The following CPNE4 variants were observed in gnomAD, a reference collection of about 807,000 sequenced individuals.
CPNE4 encodes copine-4.
CPNE4 carries 25 observed loss-of-function variants against 67.9 expected under a neutral mutation model. The ratio of observed to expected loss-of-function variants is 0.37; its 90% confidence interval spans 0.27 to 0.51. The LOEUF is 0.51. CPNE4 is among the 20% of genes least tolerant of loss of function. The probability of loss-of-function intolerance (pLI) is 0.93; values close to 1 mark genes in which losing one functional copy is unlikely to be tolerated. For missense variants in CPNE4, 464 were observed against 690.8 expected (o/e 0.67, Z 3.68); for synonymous variants, 242 against 244.9 (o/e 0.99, Z 0.11).
At chr3:131,684,402 T>C (rs2080834339) in intron 6 of CPNE4, among the ~76,000 whole-genome samples, 1 of 152,254 alleles carries the variant, frequency 6.6e-6, no homozygotes, top group Non-Finnish European at 1.5e-5. Context: ...AGAATTACAT[T>C]GTTCTATAGC....
intron 2 of CPNE4, among the ~76,000 whole-genome samples, chr3:131,881,833 G>C (rs897129307): frequency 6.6e-6 from 1 of 152,008 alleles, no homozygotes; most frequent in African/African-American, 2.4e-5. Context: ...CCGCAGTTGT[G>C]GTGAAGTGGT....
chr3:131,562,294 A>G (rs1936814508), intron 11 of CPNE4, among the ~76,000 whole-genome samples: 1 of 152,044 alleles, frequency 6.6e-6, no homozygotes, highest in South Asian at 2.1e-4. Flanking sequence ...GGAGACGTTC[A>G]GCAGCTTCTT....
At position 131,846,346 on chromosome 3, in the gene CPNE4, T is replaced by C. The variant is rs191302705; in HGVS notation, c.180+58918A>G. Among the ~76,000 whole-genome samples the C allele has an allele frequency of 1.1e-4, 16 of 152,292 alleles. No homozygotes were observed. In the East Asian group the frequency reaches 2.9e-3, roughly 28 times the overall value. Reference sequence around the variant, plus strand: ...TCTTCTTCTCTCCTTACTGCATATATTTCCAACACTCTTGAGGGAATGAAT... The same window carrying C: ...TCTTCTTCTCTCCTTACTGCATATACTTCCAACACTCTTGAGGGAATGAAT... On this transcript the variant is annotated intron_variant, in intron 2 of 15. Coordinates refer to ENST00000429747, the MANE Select transcript of CPNE4 (RefSeq NM_130808.3).
intron 1 of CPNE4, among the ~76,000 whole-genome samples, chr3:131,970,079 G>C (rs1418698291): frequency 6.6e-6 from 1 of 152,174 alleles, no homozygotes; most frequent in African/African-American, 2.4e-5. Context: ...TTTGGGTATA[G>C]AGCCATATGA....
At chr3:131,907,618 C>T (rs866356762) in intron 1 of CPNE4, among the ~76,000 whole-genome samples, 13 of 152,012 alleles carry the variant, frequency 8.6e-5, no homozygotes, top group Non-Finnish European at 7.4e-5. Flanking sequence ...CTCCTGCACA[C>T]CAATAGCGTT....
intron 2 of CPNE4, among the ~76,000 whole-genome samples, chr3:131,781,936 G>C (rs962967363): frequency 2.6e-5 from 4 of 152,070 alleles, no homozygotes. Context: ...ACCTCTAAGT[G>C]TCTACTGCTG....
At chr3:131,811,035 A>G (rs1313193550) in intron 2 of CPNE4, among the ~76,000 whole-genome samples, 1 of 152,078 alleles carries the variant, frequency 6.6e-6, no homozygotes, top group Non-Finnish European at 1.5e-5. Context: ...AGAAAATGGA[A>G]AAGTGATGAT....
intron 3 of CPNE4, among the ~76,000 whole-genome samples, chr3:131,713,090 G>A (rs1370701169): frequency 6.6e-6 from 1 of 151,816 alleles, no homozygotes; most frequent in Admixed American, 6.6e-5. Flanking sequence ...CACCAGCCTG[G>A]CTTAAAGGAT....
intron 1 of CPNE4, among the ~76,000 whole-genome samples, chr3:131,999,336 A>G (rs1439162844): frequency 6.6e-6 from 1 of 151,296 alleles, no homozygotes; most frequent in Non-Finnish European, 1.5e-5. Context: ...TGCAAGGACA[A>G]ACTAACTGGG....
At chr3:131,939,588 C>T (rs1370991288) in intron 1 of CPNE4, among the ~76,000 whole-genome samples, 1 of 152,038 alleles carries the variant, frequency 6.6e-6, no homozygotes, top group East Asian at 1.9e-4. Flanking sequence ...TGGTTTTCAC[C>T]TGTTGTTTAA....
At chr3:131,992,961 C>G (rs551843130) in intron 1 of CPNE4, among the ~76,000 whole-genome samples, 1 of 136,282 alleles carries the variant, frequency 7.3e-6, no homozygotes, top group African/African-American at 2.5e-5. Flanking sequence ...TCCTTAGCCA[C>G]GCTGAACTGT....
chr3:131,749,912 C>T (rs1380631527), intron 2 of CPNE4, among the ~76,000 whole-genome samples: 1 of 152,078 alleles, frequency 6.6e-6, no homozygotes, highest in Non-Finnish European at 1.5e-5. Context: ...ATTTAGTTCA[C>T]AGTTTTGGAG....
intron 1 of CPNE4, among the ~76,000 whole-genome samples, chr3:132,025,415 C>A: frequency 6.6e-6 from 1 of 152,096 alleles, no homozygotes; most frequent in East Asian, 1.9e-4. Flanking sequence ...TCCAGCATAA[C>A]GCTTGAGTCA....
chr3:131,793,738 C>G (rs532492091), intron 2 of CPNE4, among the ~76,000 whole-genome samples: 1 of 152,190 alleles, frequency 6.6e-6, no homozygotes, highest in African/African-American at 2.4e-5. Flanking sequence ...CTTCTCATCA[C>G]CCAGGTCTCC....
At chr3:131,800,416 T>C (rs1412600712) in intron 2 of CPNE4, among the ~76,000 whole-genome samples, 11 of 152,168 alleles carry the variant, frequency 7.2e-5, no homozygotes, top group Non-Finnish European at 1.2e-4. Flanking sequence ...TCCTTGCAAG[T>C]GCATAACACT....
At chr3:132,035,160 G>C, upstream of CPNE4, 1 of 598,646 alleles carries the variant, frequency 1.7e-6, no homozygotes, top group Non-Finnish European at 2.1e-6. Context: ...CGCTCTCCGT[G>C]GTCCTGCCGC....
intron 1 of CPNE4, among the ~76,000 whole-genome samples, chr3:131,912,783 C>A (rs936550109): frequency 6.6e-6 from 1 of 152,156 alleles, no homozygotes; most frequent in South Asian, 2.1e-4. Context: ...GCATCTCAGA[C>A]TTCACCATCA....
intron 2 of CPNE4, among the ~76,000 whole-genome samples, chr3:131,754,130 C>A (rs1028274092): frequency 6.6e-6 from 1 of 151,858 alleles, no homozygotes; most frequent in African/African-American, 2.4e-5. Flanking sequence ...AGTTGACTTG[C>A]AGAGATTTTC....
chr3:131,908,481 G>T (rs753765218), intron 1 of CPNE4, among the ~76,000 whole-genome samples: 1 of 151,894 alleles, frequency 6.6e-6, no homozygotes, highest in African/African-American at 2.4e-5. Flanking sequence ...CCTGAATTCC[G>T]CTTTTCCCAA....
Sources: gnomAD v4.1 joint callset for allele counts (sites outside exome capture counted in the v4.1 genomes callset) on GRCh38, gnomAD v4.1.1 for gene constraint, MANE v1.5 for transcripts, NCBI Gene and HGNC (gene_info 2026-07-23, HGNC 2026-07-21) for gene names.